Variants in OPCML observed in about 807,000 individuals in gnomAD.
The protein encoded by OPCML is opioid-binding protein/cell adhesion molecule.
A neutral mutation model predicts 37.8 loss-of-function variants in OPCML; 13 were observed. The ratio of observed to expected loss-of-function variants is 0.34; its 90% CI spans 0.22 to 0.55. The LOEUF (loss-of-function observed/expected upper bound fraction) is 0.55, where lower values mean the gene tolerates loss of function less well. Among genes scored for constraint, OPCML ranks in the 20% least tolerant of loss-of-function variants. OPCML has a pLI of 0.91. For missense variants in OPCML, 341 were observed against 435.6 expected (o/e 0.78, Z 1.93); for synonymous variants, 176 against 168.8 (o/e 1.04, Z -0.33).
chr11:133,447,686 G>A (rs1946499960), intron 1 of OPCML, among the ~76,000 whole-genome samples: 1 of 152,200 alleles, frequency 6.6e-6, no homozygotes, highest in Non-Finnish European at 1.5e-5. Flanking sequence ...CCATGTTGCT[G>A]CAAAGAACAT....
At chr11:133,474,247 G>C (rs917802432) in intron 1 of OPCML, among the ~76,000 whole-genome samples, 1 of 152,202 alleles carries the variant, frequency 6.6e-6, no homozygotes, top group Non-Finnish European at 1.5e-5. Context: ...TCACGCCAAG[G>C]ATATCACAGT....
At chr11:133,477,688 C>T (rs1023756478) in intron 1 of OPCML, among the ~76,000 whole-genome samples, 1 of 152,328 alleles carries the variant, frequency 6.6e-6, no homozygotes. Context: ...GCATGTCCAT[C>T]ACGGGCCAGG....
chr11:132,721,348 G>A (rs930856547), intron 2 of OPCML, among the ~76,000 whole-genome samples: 1 of 152,168 alleles, frequency 6.6e-6, no homozygotes, highest in Non-Finnish European at 1.5e-5. Flanking sequence ...CAGACAAGGA[G>A]GACAAGAAAA....
At chr11:133,008,983 A>G (rs750982538) in intron 1 of OPCML, 2 of 985,450 alleles carry the variant, frequency 2.0e-6, no homozygotes, top group Non-Finnish European at 2.4e-6. Context: ...TAGCATGGAC[A>G]TGGACTGACA....
intron 2 of OPCML, among the ~76,000 whole-genome samples, chr11:132,799,272 T>A (rs1175841658): frequency 6.6e-6 from 1 of 152,206 alleles, no homozygotes; most frequent in Non-Finnish European, 1.5e-5. Flanking sequence ...GATCTCTGGA[T>A]AACTTGCTGC....
chr11:132,730,976 TG>T (rs1468096981), intron 2 of OPCML, among the ~76,000 whole-genome samples: 3 of 152,200 alleles, frequency 2.0e-5, no homozygotes, highest in Non-Finnish European at 4.4e-5. Context: ...GAAAAAGGTA[TG>T]TTTTTTCATC....
intron 3 of OPCML, among the ~76,000 whole-genome samples, chr11:132,599,396 AAGG>A (rs1322695906): frequency 4.3e-5 from 5 of 117,344 alleles, no homozygotes; most frequent in Non-Finnish European, 8.1e-5. Flanking sequence ...AAGGAGGAAG[AAGG>A]AGGAAGAAGG....
At chr11:133,280,526 T>A (rs1457834809) in intron 1 of OPCML, among the ~76,000 whole-genome samples, 1 of 152,156 alleles carries the variant, frequency 6.6e-6, no homozygotes, top group Non-Finnish European at 1.5e-5. Flanking sequence ...CAAGACAAGA[T>A]CAAATCCCCT....
intron 2 of OPCML, among the ~76,000 whole-genome samples, chr11:132,736,205 G>A (rs1344828889): frequency 6.6e-6 from 1 of 152,152 alleles, no homozygotes; most frequent in African/African-American, 2.4e-5. Flanking sequence ...GTGTGTGGTG[G>A]GGAGAGCAGG....
intron 2 of OPCML, among the ~76,000 whole-genome samples, chr11:132,802,849 A>G (rs1402869028): frequency 6.6e-6 from 1 of 152,176 alleles, no homozygotes; most frequent in East Asian, 1.9e-4. Flanking sequence ...TGGGAAAAGA[A>G]AGAAAGGGGT....
At chr11:133,442,768 T>TGTGTGTGTGTGTGTGTG (rs1555159675) in intron 1 of OPCML, among the ~76,000 whole-genome samples, 1 of 151,178 alleles carries the variant, frequency 6.6e-6, no homozygotes, top group African/African-American at 2.4e-5. Context: ...TGTGTGTGTC[T>TGTGTGTGTGTGTGTGTG]TTTTTGAGGG....
chr11:132,652,326 T>C (rs1941466258), intron 3 of OPCML, among the ~76,000 whole-genome samples: 1 of 148,744 alleles, frequency 6.7e-6, no homozygotes, highest in Non-Finnish European at 1.5e-5. Flanking sequence ...TACAATGCAA[T>C]ATCAATAGAA....
At chr11:133,007,868 G>A (rs1350061397) in intron 1 of OPCML, 15 of 985,452 alleles carry the variant, frequency 1.5e-5, no homozygotes, top group Non-Finnish European at 1.7e-5. Flanking sequence ...ACAAAAGATT[G>A]TGGGGAAAAT....
At chr11:133,383,982 T>G (rs531482890) in intron 1 of OPCML, among the ~76,000 whole-genome samples, 13 of 152,020 alleles carry the variant, frequency 8.6e-5, no homozygotes, top group Non-Finnish European at 1.9e-4. Flanking sequence ...CAGAGGGACA[T>G]CCCGGCAGTG....
chr11:132,938,135 A>C (rs542189075), intron 2 of OPCML, among the ~76,000 whole-genome samples: 1 of 152,230 alleles, frequency 6.6e-6, no homozygotes, highest in East Asian at 1.9e-4. Flanking sequence ...ATACACTAGA[A>C]GTGGTTGTTT....
At chr11:133,210,679 G>T (rs1939318496) in intron 1 of OPCML, among the ~76,000 whole-genome samples, 2 of 152,068 alleles carry the variant, frequency 1.3e-5, no homozygotes, top group Admixed American at 1.3e-4. Flanking sequence ...AACATACATG[G>T]CTATTTTTTT....
At chr11:132,843,377 G>A (rs1221986918) in intron 2 of OPCML, among the ~76,000 whole-genome samples, 1 of 152,140 alleles carries the variant, frequency 6.6e-6, no homozygotes, top group Non-Finnish European at 1.5e-5. Context: ...GGGATTTAAA[G>A]TGTGGTTCTT....
At chr11:133,027,766 G>A (rs949441653) in intron 1 of OPCML, among the ~76,000 whole-genome samples, 1 of 46 alleles carries the variant, frequency 0.022, no homozygotes, top group Non-Finnish European at 0.038. Context: ...GACGTGTGGT[G>A]TGTATGTGTG....
chr11:132,446,909 T>A (rs1450497188), intron 4 of OPCML, among the ~76,000 whole-genome samples: 1 of 152,076 alleles, frequency 6.6e-6, no homozygotes, highest in Non-Finnish European at 1.5e-5. Context: ...CCAGGCCCAG[T>A]TTCTTCAAGA....
Sources: gnomAD v4.1 joint callset for allele counts (sites outside exome capture counted in the v4.1 genomes callset) on GRCh38, gnomAD v4.1.1 for gene constraint, MANE v1.5 for transcripts, NCBI Gene and HGNC (gene_info 2026-07-23, HGNC 2026-07-21) for gene names.